Variants in MRC1 observed in about 807,000 individuals in gnomAD.
MRC1 encodes the protein mannose receptor C-type 1.
Under a neutral mutation model 102.9 loss-of-function variants are expected in MRC1, and 62 were observed. That is an observed-to-expected ratio of 0.60 (90% CI 0.49 to 0.74). The LOEUF (loss-of-function observed/expected upper bound fraction) is 0.74, where lower values mean the gene tolerates loss of function less well. MRC1 is among the 30% of genes least tolerant of loss of function. The pLI, the probability that MRC1 is intolerant of heterozygous loss-of-function variation, is 0.00. For missense variants in MRC1, 1,237 were observed against 862.8 expected (o/e 1.43, Z -5.43); for synonymous variants, 457 against 298.4 (o/e 1.53, Z -5.48).
intron 26 of MRC1, among the ~76,000 whole-genome samples, chr10:17,906,149 GA>G (rs1833891883): frequency 6.6e-6 from 1 of 151,894 alleles, no homozygotes; most frequent in Non-Finnish European, 1.5e-5. Flanking sequence ...CTTAGGTGAA[GA>G]ATCTAACTGT....
chr10:17,888,809 A>G (rs1484144719), intron 22 of MRC1, among the ~76,000 whole-genome samples: 6 of 152,152 alleles, frequency 3.9e-5, no homozygotes, highest in African/African-American at 7.2e-5. Flanking sequence ...CACTTTAACT[A>G]TGTTCTTACT....
intron 4 of MRC1, among the ~76,000 whole-genome samples, chr10:17,835,387 G>C (rs1292717957): frequency 1.3e-5 from 2 of 152,124 alleles, no homozygotes; most frequent in Non-Finnish European, 1.5e-5. Flanking sequence ...TTTGTGCTAG[G>C]TCCTGGGGAC....
At chr10:17,847,410 C>A (rs1374567306) in intron 6 of MRC1, among the ~76,000 whole-genome samples, 3 of 152,188 alleles carry the variant, frequency 2.0e-5, no homozygotes, top group Non-Finnish European at 2.9e-5. Flanking sequence ...CTCCATGATG[C>A]CTTCTTCACT....
At position 17,832,105 on chromosome 10, in the gene MRC1, C is replaced by T. The variant is rs1166509505; in HGVS notation, c.638-1570C>T. Reference sequence around the variant, plus strand: ...TGAGCGATAGGACCTCAGGTGCAGGCCCAGGCCAGTCTGTCTGCAGGAGTC... The same window carrying T: ...TGAGCGATAGGACCTCAGGTGCAGGTCCAGGCCAGTCTGTCTGCAGGAGTC... On this transcript the variant is annotated intron_variant, in intron 3 of 29. Coordinates refer to ENST00000569591, the MANE Select transcript of MRC1 (RefSeq NM_002438.4). 4.6e-5 allele frequency among the ~76,000 whole-genome samples: 7 copies of T among 151,576 alleles called. 1 individual carries two copies. The highest frequency in any genetic ancestry group is 1.7e-4 in the African/African-American group (7 of 40,840).
At chr10:17,889,975 T>A (rs1468722515) in intron 22 of MRC1, among the ~76,000 whole-genome samples, 2 of 152,186 alleles carry the variant, frequency 1.3e-5, no homozygotes, top group Non-Finnish European at 1.5e-5. Context: ...TTCCTTCTTT[T>A]TTCCTTTTAA....
At chr10:17,818,607 G>A (rs1007594706) in intron 1 of MRC1, among the ~76,000 whole-genome samples, 1 of 152,096 alleles carries the variant, frequency 6.6e-6, no homozygotes, top group Non-Finnish European at 1.5e-5. Context: ...TCAGGAGTTC[G>A]AGACCAGCTT....
At chr10:17,855,843 C>G (rs1009631659) in intron 8 of MRC1, among the ~76,000 whole-genome samples, 1 of 152,016 alleles carries the variant, frequency 6.6e-6, no homozygotes, top group Non-Finnish European at 1.5e-5. Context: ...AATTTTCCTC[C>G]TCTGAGGCAC....
Position 17,856,272 on chromosome 10 carries a change from T to A in MRC1, c.1438T>A (p.Trp480Arg), listed in dbSNP as rs1589180550. Residue 480 changes from tryptophan (W) to arginine (R), a missense_variant, in exon 9 of 30, where the codon TGG (tryptophan) becomes AGG (arginine). Trp to Arg is a moderately radical substitution (Grantham distance 101, BLOSUM62 -3). Transcript: ENST00000569591. ...GTACTGGGCAGATCGGGGCTGTGAGTGGCCTCTTGGCTACATCTGCAAGAT... is the reference window on the plus strand; with the variant it reads ...GTACTGGGCAGATCGGGGCTGTGAGAGGCCTCTTGGCTACATCTGCAAGAT... ...DGYWADRGCE[W>R]PLGYICKMKS... 4.6e-6 allele frequency: 4 copies of A among 866,172 alleles called. No individual in the cohort carries two copies. Among genetic ancestry groups the A allele is most frequent in the Middle Eastern group, 2.2e-4 (1 of 4,594 alleles). 53.7% of individuals were successfully genotyped at this position (866,172 alleles called of 1,614,324 possible).
intron 9 of MRC1, among the ~76,000 whole-genome samples, chr10:17,859,852 A>C (rs1833155767): frequency 6.6e-6 from 1 of 152,228 alleles, no homozygotes; most frequent in Non-Finnish European, 1.5e-5. Context: ...ACTCATCTGC[A>C]GCACAAACTT....
intron 6 of MRC1, among the ~76,000 whole-genome samples, chr10:17,847,791 T>A (rs1838847578): frequency 7.1e-6 from 1 of 141,214 alleles, no homozygotes; most frequent in Admixed American, 7.3e-5. Flanking sequence ...TTCAAATATG[T>A]TTAAAGTTCA....
intron 2 of MRC1, among the ~76,000 whole-genome samples, chr10:17,825,079 C>G (rs1838453454): frequency 2.6e-5 from 4 of 151,968 alleles, no homozygotes; most frequent in Non-Finnish European, 5.9e-5. Flanking sequence ...TGCATACTCC[C>G]CAAAGATCTC....
At chr10:17,812,787 G>T (rs1238998420) in intron 1 of MRC1, among the ~76,000 whole-genome samples, 1 of 151,900 alleles carries the variant, frequency 6.6e-6, no homozygotes, top group Non-Finnish European at 1.5e-5. Flanking sequence ...TGGCCAGGCT[G>T]GTCTTGAACT....
chr10:17,910,629 T>C lies in MRC1; in HGVS notation c.*164T>C. 1 of 686,198 alleles carries C rather than the reference T, an allele frequency of 1.5e-6. No homozygotes were observed. The allele number at this position is 686,198 out of a possible 1,614,324, so 42.5% of individuals were successfully genotyped here. A position where few individuals can be genotyped will look rare whatever the true frequency, so the allele number is the denominator to read the frequency against. ...AGAAATAATTGCTTGTTTTCTAGCC[T>C]GGCAAGATATTTTCATAAAAGAGGG... On this transcript the variant is annotated 3_prime_UTR_variant, in exon 30 of 30. Coordinates refer to ENST00000569591, the MANE Select transcript of MRC1 (RefSeq NM_002438.4).
intron 11 of MRC1, 101 bp downstream of exon 11, chr10:17,863,783 T>A (rs1055892350): frequency 1.5e-6 from 1 of 688,686 alleles, no homozygotes; most frequent in African/African-American, 1.8e-5. Context: ...CTAGGTAAAT[T>A]AGTCATGCTT....
At chr10:17,832,793 G>C (rs1035169446) in intron 3 of MRC1, among the ~76,000 whole-genome samples, 22 of 151,890 alleles carry the variant, frequency 1.4e-4, no homozygotes, top group African/African-American at 4.8e-4. Context: ...GTTTCACTGT[G>C]TTAGCCAAGA....
At chr10:17,887,359 C>G (rs1833612978) in intron 22 of MRC1, among the ~76,000 whole-genome samples, 1 of 152,178 alleles carries the variant, frequency 6.6e-6, no homozygotes, top group Non-Finnish European at 1.5e-5. Context: ...CCACTGCACT[C>G]CAGCCTGGGC....
At chr10:17,902,548 A>G (rs1219649972) in intron 26 of MRC1, among the ~76,000 whole-genome samples, 2 of 152,198 alleles carry the variant, frequency 1.3e-5, no homozygotes, top group Non-Finnish European at 2.9e-5. Context: ...AGACACCACA[A>G]AGATGAATGA....
chr10:17,822,071 C>A (rs1049852142), intron 1 of MRC1, among the ~76,000 whole-genome samples: 1 of 152,068 alleles, frequency 6.6e-6, no homozygotes, highest in African/African-American at 2.4e-5. Context: ...TTACCAGATC[C>A]TTTTTTCCTC....
intron 26 of MRC1, among the ~76,000 whole-genome samples, chr10:17,903,872 C>G (rs1351853012): frequency 6.6e-6 from 1 of 152,020 alleles, no homozygotes; most frequent in Non-Finnish European, 1.5e-5. Context: ...AGGAGAATCA[C>G]TTGAACCCAG....
Sources: gnomAD v4.1 joint callset for allele counts (sites outside exome capture counted in the v4.1 genomes callset) on GRCh38, gnomAD v4.1.1 for gene constraint, MANE v1.5 for transcripts, NCBI Gene and HGNC (gene_info 2026-07-23, HGNC 2026-07-21) for gene names.